Variants in SP100 observed in about 807,000 individuals in gnomAD.
SP100 encodes the protein SP100 nuclear body protein.
In SP100, 84 loss-of-function variants were observed where a neutral mutation model predicts 130.0. That is an observed-to-expected ratio of 0.65 (90% confidence interval 0.54 to 0.77). The LOEUF (loss-of-function observed/expected upper bound fraction) is 0.77, where lower values mean the gene tolerates loss of function less well. Ranked by LOEUF, SP100 falls within the 30% of genes least tolerant of loss-of-function variation. SP100 has a pLI of 0.00. For synonymous variants in SP100, 331 were observed against 351.7 expected (o/e 0.94, Z 0.66); for missense variants, 978 against 1,052.2 (o/e 0.93, Z 0.97).
intron 2 of SP100, among the ~76,000 whole-genome samples, chr2:230,428,445 A>G (rs963126330): frequency 1.4e-5 from 2 of 146,116 alleles, no homozygotes; most frequent in African/African-American, 5.1e-5. Flanking sequence ...AGTGCTACAC[A>G]CTTTTTTTTT....
At chr2:230,477,116 C>G (rs539584453) in intron 17 of SP100, among the ~76,000 whole-genome samples, 112 of 152,266 alleles carry the variant, frequency 7.4e-4, no homozygotes, top group African/African-American at 2.6e-3. Context: ...CTGCCTGCCT[C>G]GGCCTCCCAA....
intron 17 of SP100, among the ~76,000 whole-genome samples, chr2:230,482,090 C>T (rs79423018): frequency 6.6e-6 from 1 of 152,018 alleles, no homozygotes; most frequent in Non-Finnish European, 1.5e-5. Context: ...CACCTTTTGA[C>T]CTGTCTTTTC....
intron 17 of SP100, among the ~76,000 whole-genome samples, chr2:230,488,352 T>TAC (rs2066218750): frequency 6.6e-6 from 1 of 152,160 alleles, no homozygotes; most frequent in Admixed American, 6.5e-5. Flanking sequence ...TATTTGGAGG[T>TAC]ATGTCTCATC....
intron 2 of SP100, among the ~76,000 whole-genome samples, chr2:230,432,836 A>AAAT (rs1470151331): frequency 2.0e-5 from 3 of 152,178 alleles, no homozygotes; most frequent in African/African-American, 7.2e-5. Context: ...CAAAAGATTT[A>AAAT]AATTTTGTTA....
Position 230,461,359 on chromosome 2 carries a change from A to G in SP100, c.918A>G (p.Lys306=). ...AGGAAAAGCCATTTTCTAATTCAAA[A>G]GTTGAGTGCCAAGCCCAAGCAAGAA... ...IKKEKPFSNS[K]VECQAQARTH... The change falls in exon 9 of 29, where the codon AAA becomes AAG. Residue 306 remains lysine, a synonymous_variant. Transcript: ENST00000340126. 1 of 1,614,188 alleles carries G rather than the reference A, an allele frequency of 6.2e-7. No individual in the cohort carries two copies. The highest frequency in any genetic ancestry group is 2.2e-5 in the East Asian group (1 of 44,894).
intron 2 of SP100, among the ~76,000 whole-genome samples, chr2:230,434,216 G>C (rs919700618): frequency 1.3e-5 from 2 of 151,942 alleles, no homozygotes; most frequent in East Asian, 3.9e-4. Flanking sequence ...ACAAAACTAT[G>C]ACTGTCTATC....
chr2:230,531,423 T>C (rs1241436567), intron 24 of SP100, among the ~76,000 whole-genome samples: 2 of 150,876 alleles, frequency 1.3e-5, no homozygotes, highest in Non-Finnish European at 3.0e-5. Flanking sequence ...TGTTGGGGGG[T>C]TGAGGGGCTG....
chr2:230,526,893 C>T (rs1196333083), intron 24 of SP100, among the ~76,000 whole-genome samples: 8 of 151,990 alleles, frequency 5.3e-5, no homozygotes, highest in South Asian at 2.1e-4. Flanking sequence ...TGAAAAGAAA[C>T]GAACAAAGCC....
At chr2:230,508,295 G>T in intron 23 of SP100, 1 of 358,738 alleles carries the variant, frequency 2.8e-6, no homozygotes, top group Admixed American at 4.7e-5. Flanking sequence ...TTTTAGTAAA[G>T]GAGCTAAATG....
At chr2:230,531,466 C>T (rs967517887) in intron 24 of SP100, among the ~76,000 whole-genome samples, 6 of 151,710 alleles carry the variant, frequency 4.0e-5, no homozygotes, top group Non-Finnish European at 8.8e-5. Flanking sequence ...AATGCTAAAA[C>T]CAACATGGCA....
intron 2 of SP100, among the ~76,000 whole-genome samples, chr2:230,422,800 A>C (rs1436958436): frequency 6.6e-6 from 1 of 152,190 alleles, no homozygotes; most frequent in African/African-American, 2.4e-5. Context: ...CCTTTCCTGG[A>C]ATCCCTGAGA....
At chr2:230,431,116 T>C (rs1011605451) in intron 2 of SP100, among the ~76,000 whole-genome samples, 1 of 152,248 alleles carries the variant, frequency 6.6e-6, no homozygotes, top group African/African-American at 2.4e-5. Context: ...AGCTGCTGGC[T>C]GAGCTCTCTG....
intron 4 of SP100, among the ~76,000 whole-genome samples, chr2:230,444,970 A>G (rs977665771): frequency 6.6e-6 from 1 of 152,164 alleles, no homozygotes; most frequent in Non-Finnish European, 1.5e-5. Flanking sequence ...AAAAAAGGCT[A>G]CCTTTATTAG....
At chr2:230,527,862 G>A (rs114146236) in intron 24 of SP100, among the ~76,000 whole-genome samples, 1,981 of 152,276 alleles carry the variant, frequency 0.013, 38 homozygotes, top group African/African-American at 0.046. Context: ...AAAGGAATCA[G>A]TTCAACAAGA....
intron 15 of SP100, among the ~76,000 whole-genome samples, chr2:230,472,582 C>T (rs576370149): frequency 1.3e-4 from 19 of 151,586 alleles, no homozygotes; most frequent in Admixed American, 2.0e-4. Flanking sequence ...GAATGAGATA[C>T]ATTCAAAGGG....
intron 2 of SP100, among the ~76,000 whole-genome samples, chr2:230,422,269 T>A (rs1482067072): frequency 6.6e-6 from 1 of 152,192 alleles, no homozygotes; most frequent in African/African-American, 2.4e-5. Context: ...TTGTTTTAAG[T>A]GTTAGTTCCT....
At chr2:230,480,753 G>A (rs2150016119) in intron 17 of SP100, among the ~76,000 whole-genome samples, 1 of 152,344 alleles carries the variant, frequency 6.6e-6, no homozygotes, top group Middle Eastern at 3.4e-3. Context: ...TCGAGCTGGT[G>A]TGGCTTGTCT....
intron 6 of SP100, 145 bp downstream of exon 6, chr2:230,449,295 A>G (rs1358991394): frequency 1.1e-6 from 1 of 886,736 alleles, no homozygotes; most frequent in East Asian, 2.5e-5. Flanking sequence ...GATTTAAATA[A>G]CAAGTCCTTA....
rs1474469385 is a variant in SP100, at chr2:230,511,736, C to T, written c.2094+570C>T. On this transcript the variant is annotated intron_variant, in intron 24 of 28. Transcript: ENST00000340126. ...GGAGGTTTAGGCTCAGTATGCTGAG[C>T]TGGTTAGGACAAAAACCATCACCAC... Among the ~76,000 whole-genome samples the T allele has an allele frequency of 2.6e-5, 4 of 152,144 alleles. No homozygotes were observed. In the East Asian group the frequency reaches 7.7e-4, roughly 29 times the overall value.
Sources: allele counts gnomAD v4.1 joint callset (sites outside exome capture counted in the v4.1 genomes callset), GRCh38; gene constraint gnomAD v4.1.1; transcripts MANE v1.5; gene names NCBI Gene and HGNC (gene_info 2026-07-23, HGNC 2026-07-21).